Variants in BCL2 observed in about 807,000 individuals in gnomAD.
BCL2 encodes the protein BCL2 apoptosis regulator.
Under a neutral mutation model 14.2 loss-of-function variants are expected in BCL2, and 1 was observed. That is an observed-to-expected ratio of 0.07 (90% CI 0.02 to 0.33). The LOEUF (loss-of-function observed/expected upper bound fraction) is 0.33, where lower values mean the gene tolerates loss of function less well. Ranked by LOEUF, BCL2 falls within the 10% of genes least tolerant of loss-of-function variation. BCL2 has a pLI of 0.99. For missense variants in BCL2, 247 were observed against 305.9 expected (o/e 0.81, Z 1.44); for synonymous variants, 151 against 137.2 (o/e 1.10, Z -0.70).
chr18:63,125,326 C>T lies in BCL2; in HGVS notation c.*3299G>A, dbSNP rs1411064718. On this transcript the variant is annotated 3_prime_UTR_variant, in exon 3 of 3. Transcript: ENST00000333681. ...GACTTTATTCCAAATCTTAAGCCTG[C>T]CAGAGTTTTCTGCCCCTGCCAAATC... 4.4e-6 allele frequency: 1 copy of T among 226,020 alleles called. No homozygotes were observed. The allele number at this position is 226,020 out of a possible 1,614,324, so 14.0% of individuals were successfully genotyped here. A position where few individuals can be genotyped will look rare whatever the true frequency, so the allele number is the denominator to read the frequency against.
intron 2 of BCL2, 200 bp downstream of exon 2, chr18:63,317,882 T>C (rs1913545384): frequency 1.5e-5 from 22 of 1,422,266 alleles, no homozygotes; most frequent in Non-Finnish European, 1.9e-5. Context: ...TTAAAGACTT[T>C]TAGATGGCAG....
At chr18:63,281,724 GAA>G (rs1568256903) in intron 2 of BCL2, among the ~76,000 whole-genome samples, 150 of 127,964 alleles carry the variant, frequency 1.2e-3, no homozygotes, top group African/African-American at 3.9e-3. Flanking sequence ...AAGAAAGAAA[GAA>G]AGAAAGAAAG....
chr18:63,258,206 C>T (rs907190568), intron 2 of BCL2, among the ~76,000 whole-genome samples: 3 of 152,160 alleles, frequency 2.0e-5, no homozygotes, highest in Admixed American at 6.5e-5. Flanking sequence ...ACAAGTGTGG[C>T]CATGCTGGCA....
intron 2 of BCL2, among the ~76,000 whole-genome samples, chr18:63,275,056 A>G (rs929973407): frequency 6.6e-6 from 1 of 151,974 alleles, no homozygotes; most frequent in Non-Finnish European, 1.5e-5. Context: ...TGGTATACAT[A>G]TTCACTCTTT....
In BCL2 at chr18:63,127,956, G is replaced by A. The variant is rs536087403; in HGVS notation, c.*669C>T. The A allele has an allele frequency of 1.3e-5, 3 of 224,888 alleles. No homozygotes were observed. The highest frequency in any genetic ancestry group is 1.8e-4 in the South Asian group (1 of 5,418). The allele number at this position is 224,888 out of a possible 1,614,324, so 13.9% of individuals were successfully genotyped here. ...GGCATTTTTCCCATCGCTGTCCTTC[G>A]GCGTGGAAATCTCAGTGGGTACTAG... On this transcript the variant is annotated 3_prime_UTR_variant, in exon 3 of 3. Transcript: ENST00000333681.
chr18:63,194,579 C>A (rs1909391151), intron 2 of BCL2, among the ~76,000 whole-genome samples: 1 of 152,058 alleles, frequency 6.6e-6, no homozygotes, highest in African/African-American at 2.4e-5. Context: ...ATAGTATACT[C>A]TATACTGTAG....
intron 2 of BCL2, among the ~76,000 whole-genome samples, chr18:63,203,309 G>C (rs1224824226): frequency 1.3e-5 from 2 of 152,208 alleles, no homozygotes; most frequent in African/African-American, 4.8e-5. Context: ...AGATTTACTA[G>C]AGGCTATGAT....
chr18:63,289,456 A>G (rs750610362), intron 2 of BCL2, among the ~76,000 whole-genome samples: 9 of 152,194 alleles, frequency 5.9e-5, no homozygotes, highest in Non-Finnish European at 1.5e-5. Context: ...AGAACAGAGA[A>G]GGCAGGGCGG....
intron 2 of BCL2, among the ~76,000 whole-genome samples, chr18:63,245,394 A>AT (rs34385891): frequency 0.43 from 64,681 of 152,152 alleles, 16,376 homozygotes; most frequent in Non-Finnish European, 0.57. Flanking sequence ...GTGCCAATAC[A>AT]TTTCAACCAA....
At chr18:63,198,671 AAGACACAAC>A (rs1909545442) in intron 2 of BCL2, among the ~76,000 whole-genome samples, 1 of 51,278 alleles carries the variant, frequency 2.0e-5, no homozygotes, top group Non-Finnish European at 4.1e-5. Context: ...CACAGACACA[AAGACACAAC>A]AGACACAGAC....
chr18:63,313,117 GTC>G (rs1460675043), intron 2 of BCL2, among the ~76,000 whole-genome samples: 15 of 152,226 alleles, frequency 9.9e-5, no homozygotes, highest in Admixed American at 8.5e-4. Flanking sequence ...TTTCCTCTAA[GTC>G]TCTGAGTCTA....
At chr18:63,290,102 G>GT (rs1912603548) in intron 2 of BCL2, among the ~76,000 whole-genome samples, 1 of 152,078 alleles carries the variant, frequency 6.6e-6, no homozygotes, top group Admixed American at 6.6e-5. Context: ...TGCACCCTAG[G>GT]TTTTGAGCCT....
chr18:63,205,349 G>A (rs897458976), intron 2 of BCL2, among the ~76,000 whole-genome samples: 3 of 152,190 alleles, frequency 2.0e-5, no homozygotes, highest in African/African-American at 7.2e-5. Flanking sequence ...TGTCTCTTCA[G>A]CAAGTGGCAA....
intron 2 of BCL2, among the ~76,000 whole-genome samples, chr18:63,254,442 G>A (rs1911411403): frequency 7.5e-6 from 1 of 134,130 alleles, no homozygotes; most frequent in Non-Finnish European, 1.6e-5. Flanking sequence ...TGTGATCTCA[G>A]CTACTTGGGA....
chr18:63,232,527 G>A (rs1910718950), intron 2 of BCL2, among the ~76,000 whole-genome samples: 1 of 152,074 alleles, frequency 6.6e-6, no homozygotes. Context: ...AAAAACCGTA[G>A]GAAAAACCAA....
intron 2 of BCL2, among the ~76,000 whole-genome samples, chr18:63,172,548 G>A (rs965790264): frequency 1.3e-5 from 2 of 152,178 alleles, no homozygotes; most frequent in African/African-American, 2.4e-5. Context: ...TTGGGAGGCC[G>A]AGGCGGGTGG....
chr18:63,311,160 T>C (rs902385913), intron 2 of BCL2, among the ~76,000 whole-genome samples: 1 of 49,588 alleles, frequency 2.0e-5, no homozygotes, highest in Non-Finnish European at 7.1e-5. Context: ...AGACTAAGTT[T>C]ATGTGTCTCA....
chr18:63,173,814 C>G (rs1477428420), intron 2 of BCL2, among the ~76,000 whole-genome samples: 2 of 152,130 alleles, frequency 1.3e-5, no homozygotes. Context: ...CTAGACATGA[C>G]TGAGCTTAAA....
At chr18:63,294,806 G>A (rs1038463421) in intron 2 of BCL2, among the ~76,000 whole-genome samples, 2 of 152,086 alleles carry the variant, frequency 1.3e-5, no homozygotes, top group African/African-American at 2.4e-5. Context: ...TAAATCATAT[G>A]AGCAATGTTG....
Sources: allele counts gnomAD v4.1 joint callset (sites outside exome capture counted in the v4.1 genomes callset), GRCh38; gene constraint gnomAD v4.1.1; transcripts MANE v1.5; gene names NCBI Gene and HGNC (gene_info 2026-07-23, HGNC 2026-07-21).